Variants in NDST4 observed in about 807,000 individuals in gnomAD.
NDST4 encodes the protein N-deacetylase and N-sulfotransferase 4.
Under a neutral mutation model 100.8 loss-of-function variants are expected in NDST4, and 63 were observed. The ratio of observed to expected loss-of-function variants is 0.62; its 90% CI spans 0.51 to 0.77. The LOEUF (loss-of-function observed/expected upper bound fraction) is 0.77, where lower values mean the gene tolerates loss of function less well. Among genes scored for constraint, NDST4 ranks in the 30% least tolerant of loss-of-function variants. The pLI is 0.00. For synonymous variants in NDST4, 377 were observed against 361.8 expected, an observed-to-expected ratio of 1.04 and a Z score of -0.48; for missense variants, 943 against 1,018.4, an observed-to-expected ratio of 0.93 and a Z score of 1.01.
chr4:114,895,347 C>A (rs536094027), intron 6 of NDST4, among the ~76,000 whole-genome samples: 2 of 152,140 alleles, frequency 1.3e-5, no homozygotes, highest in Non-Finnish European at 2.9e-5. Context: ...TCAGAGAATA[C>A]TATAAACACA....
intron 7 of NDST4, among the ~76,000 whole-genome samples, chr4:114,853,959 G>T (rs991748575): frequency 1.3e-5 from 2 of 151,966 alleles, no homozygotes; most frequent in African/African-American, 2.4e-5. Context: ...ATCATTTCTT[G>T]TAGTACAAGT....
chr4:114,924,852 T>C (rs1386681706), intron 6 of NDST4, among the ~76,000 whole-genome samples: 2 of 152,190 alleles, frequency 1.3e-5, no homozygotes, highest in African/African-American at 2.4e-5. Flanking sequence ...CCAATGTTGC[T>C]AGCACAAAGA....
At chr4:115,089,384 G>GAAAA (rs34883816) in intron 1 of NDST4, among the ~76,000 whole-genome samples, 109,047 of 151,016 alleles carry the variant, frequency 0.72, 40,242 homozygotes, top group African/African-American at 0.87. Flanking sequence ...AAAAATGTAG[G>GAAAA]ATCTTTTAAA....
At chr4:115,033,594 A>G (rs116538788) in intron 2 of NDST4, among the ~76,000 whole-genome samples, 2,241 of 151,996 alleles carry the variant, frequency 0.015, 63 homozygotes, top group African/African-American at 0.051. Flanking sequence ...TTTTTCCCCA[A>G]AACCAATTTT....
At chr4:115,022,056 C>T (rs955597054) in intron 2 of NDST4, among the ~76,000 whole-genome samples, 2 of 150,356 alleles carry the variant, frequency 1.3e-5, no homozygotes, top group Admixed American at 1.3e-4. Context: ...TCTCTATGTT[C>T]CATATATACA....
intron 2 of NDST4, among the ~76,000 whole-genome samples, chr4:115,071,483 T>C (rs1560589178): frequency 6.6e-6 from 1 of 152,160 alleles, no homozygotes; most frequent in East Asian, 1.9e-4. Flanking sequence ...ATTTGTTTTA[T>C]TGAGGAACAG....
Position 114,848,336 on chromosome 4 carries a change from T to C in NDST4, c.1819A>G (p.Thr607Ala). Residue 607 changes from threonine (T) to alanine (A), a missense_variant and splice_region_variant, in exon 9 of 14, where the codon ACA (threonine) becomes GCA (alanine). Physicochemically the swap from Thr to Ala is moderately conservative, Grantham distance 58. Around this residue, in one of 2 missense-constraint regions of NDST4, gnomAD observed 526 missense variants for 634.1 expected, o/e 0.83. Transcript: ENST00000264363. ...AGAAGAAATAAATAAAGTGCAGTTG[T>C]TCCTGTTACAAAAAAAGAAAGTAAA... Reference protein sequence around the residue: ...FLVIGPQKTGTTALYLFLLMH... With the variant: ...FLVIGPQKTGATALYLFLLMH... 1.3e-6 allele frequency: 2 copies of C among 1,575,848 alleles called. No individual in the cohort carries two copies. The highest frequency in any genetic ancestry group is 1.7e-6 in the Non-Finnish European group (2 of 1,163,746).
intron 4 of NDST4, among the ~76,000 whole-genome samples, chr4:114,950,674 A>C (rs892844635): frequency 3.9e-5 from 6 of 152,058 alleles, no homozygotes; most frequent in African/African-American, 1.4e-4. Flanking sequence ...AGAGTACAGT[A>C]ATTGGGCATA....
rs750275433 is a variant in NDST4 at position 114,827,840 on chromosome 4, T to A, written c.2595A>T (p.Arg865Ser). The A allele has an allele frequency of 1.2e-6, 2 of 1,612,394 alleles. No homozygotes were observed. The highest frequency in any genetic ancestry group is 2.7e-5 in the African/African-American group (2 of 74,796). Residue 865 changes from arginine to serine, a missense_variant, in exon 14 of 14, where the codon AGA becomes AGT. Coordinates refer to ENST00000264363, the MANE Select transcript of NDST4 (RefSeq NM_022569.3). ...RLGQPLPSWLRQELQKVR is the reference protein window; with the variant it reads ...RLGQPLPSWLSQELQKVR ...GCTATCTCACTTTCTGCAGTTCCTG[T>A]CTCAGCCACGATGGCAGAGGCTGTC...
chr4:115,071,583 C>T (rs1238414174), intron 2 of NDST4, among the ~76,000 whole-genome samples: 1 of 151,782 alleles, frequency 6.6e-6, no homozygotes, highest in African/African-American at 2.4e-5. Flanking sequence ...ATATGAAATA[C>T]CTATTAAAAT....
intron 6 of NDST4, among the ~76,000 whole-genome samples, chr4:114,930,740 C>T (rs1057402384): frequency 6.6e-6 from 1 of 151,978 alleles, no homozygotes; most frequent in Non-Finnish European, 1.5e-5. Flanking sequence ...ACATGCTTTC[C>T]TAAGACCTCA....
At chr4:115,057,842 G>T (rs906868874) in intron 2 of NDST4, among the ~76,000 whole-genome samples, 8 of 151,738 alleles carry the variant, frequency 5.3e-5, no homozygotes, top group Admixed American at 1.3e-4. Flanking sequence ...ATTCATTTTT[G>T]AATGTAAGCT....
Position 115,084,433 on chromosome 4 carries a change from G to A in NDST4, c.-246-7151C>T, listed in dbSNP as rs143152077. ...TGCAGAAATTTGCATAAGTAACAAG[G>A]AGCAGAATGTTAATCACCAAGACAA... On this transcript the variant is annotated intron_variant, in intron 1 of 13. Transcript: ENST00000264363. Among the ~76,000 whole-genome samples the A allele has an allele frequency of 2.0e-5, 3 of 152,216 alleles. No homozygotes were observed. The East Asian group carries it at 5.8e-4, about 29-fold the overall frequency.
At chr4:115,039,094 A>T (rs1728294604) in intron 2 of NDST4, among the ~76,000 whole-genome samples, 1 of 152,220 alleles carries the variant, frequency 6.6e-6, no homozygotes, top group Non-Finnish European at 1.5e-5. Context: ...ATATCTATAA[A>T]ACAATCCGGT....
intron 2 of NDST4, among the ~76,000 whole-genome samples, chr4:115,072,770 G>A (rs1729103234): frequency 6.6e-6 from 1 of 151,852 alleles, no homozygotes; most frequent in Non-Finnish European, 1.5e-5. Flanking sequence ...TATGATGTTG[G>A]TCTGGGCAAG....
intron 4 of NDST4, among the ~76,000 whole-genome samples, chr4:114,949,778 T>C (rs1725948769): frequency 6.6e-6 from 1 of 152,078 alleles, no homozygotes; most frequent in Non-Finnish European, 1.5e-5. Context: ...GAGAAATTTA[T>C]TCTTTTAACT....
chr4:114,909,493 T>C (rs1725019023), intron 6 of NDST4, among the ~76,000 whole-genome samples: 1 of 150,832 alleles, frequency 6.6e-6, no homozygotes, highest in Non-Finnish European at 1.5e-5. Flanking sequence ...ACCCCGTCTC[T>C]ACTAAAAATA....
intron 6 of NDST4, among the ~76,000 whole-genome samples, chr4:114,900,607 G>T (rs1169547478): frequency 6.6e-6 from 1 of 152,142 alleles, no homozygotes; most frequent in Non-Finnish European, 1.5e-5. Flanking sequence ...AATATGCTGT[G>T]TAGGTTTGTA....
At chr4:115,017,437 A>C (rs1727702407) in intron 2 of NDST4, among the ~76,000 whole-genome samples, 1 of 152,028 alleles carries the variant, frequency 6.6e-6, no homozygotes, top group South Asian at 2.1e-4. Context: ...TTTCTTCATA[A>C]AACATTGTTA....
Sources: gnomAD v4.1 joint callset for allele counts (sites outside exome capture counted in the v4.1 genomes callset) on GRCh38, gnomAD v4.1.1 for gene constraint, gnomAD v4.1.1 regional missense constraint, MANE v1.5 for transcripts, NCBI Gene and HGNC (gene_info 2026-07-23, HGNC 2026-07-21) for gene names.